TMCC1: variants seen among roughly 807,000 people sequenced by gnomAD.
The protein encoded by TMCC1 is transmembrane and coiled-coil domain family 1.
Under a neutral mutation model 52.4 loss-of-function variants are expected in TMCC1, and 15 were observed. The observed-to-expected ratio is 0.29, with a 90% CI of 0.19 to 0.44. The LOEUF (loss-of-function observed/expected upper bound fraction) is 0.44, where lower values mean the gene tolerates loss of function less well. TMCC1 is among the 20% of genes least tolerant of loss of function. The pLI is 1.00. For synonymous variants in TMCC1, 279 were observed against 301.9 expected (o/e 0.92, Z 0.79); for missense variants, 503 against 806.0 (o/e 0.62, Z 4.55).
At chr3:129,836,192 C>G (rs527638727) in intron 2 of TMCC1, among the ~76,000 whole-genome samples, 38 of 151,942 alleles carry the variant, frequency 2.5e-4, no homozygotes, top group African/African-American at 8.4e-4. Context: ...AATAACATAG[C>G]CTCCAAATAT....
chr3:129,761,401 T>C (rs999033224), intron 4 of TMCC1, among the ~76,000 whole-genome samples: 16 of 151,480 alleles, frequency 1.1e-4, no homozygotes, highest in Non-Finnish European at 2.2e-4. Flanking sequence ...TGCTAAGCCA[T>C]GTCAACCCTG....
intron 2 of TMCC1, among the ~76,000 whole-genome samples, chr3:129,860,604 AT>A (rs1318747657): frequency 0.011 from 1,581 of 145,730 alleles, 19 homozygotes; most frequent in African/African-American, 0.032. Flanking sequence ...ACACATTATT[AT>A]TTTTTTTTTT....
chr3:129,756,545 C>T (rs1381242432), intron 4 of TMCC1, among the ~76,000 whole-genome samples: 1 of 152,106 alleles, frequency 6.6e-6, no homozygotes, highest in Non-Finnish European at 1.5e-5. Context: ...ACTACAGGCG[C>T]CCACCACCAA....
At chr3:129,875,083 C>T (rs1217037803) in intron 2 of TMCC1, among the ~76,000 whole-genome samples, 2 of 151,858 alleles carry the variant, frequency 1.3e-5, no homozygotes, top group African/African-American at 4.8e-5. Context: ...CAGAAGCAGG[C>T]ATGGTGGCAC....
chr3:129,690,931 C>T (rs978050778), intron 4 of TMCC1, among the ~76,000 whole-genome samples: 5 of 152,158 alleles, frequency 3.3e-5, no homozygotes, highest in Non-Finnish European at 7.4e-5. Context: ...GATAAATGTA[C>T]CTCCTCATTG....
rs982362088 is a variant in TMCC1 at position 129,651,945 on chromosome 3, G to C, written c.1648-150C>G. On this transcript the variant is annotated intron_variant, in intron 6 of 6. Transcript: ENST00000393238. This position sits in a 1 kb window ranked among gnomAD's most constrained non-coding sequence, Gnocchi z 5.1. The stretch of plus-strand genomic sequence containing the variant: ...CTTGAATGAATGTAAAAGGCTAGAT[G>C]TATAACTCACTATTCAAGTGATTAT... 1 of 918,398 alleles carries C rather than the reference G, an allele frequency of 1.1e-6. No homozygotes were observed. Among genetic ancestry groups the C allele is most frequent in the African/African-American group, 1.7e-5 (1 of 59,794 alleles). 56.9% of individuals were successfully genotyped at this position (918,398 alleles called of 1,614,324 possible). A position where few individuals can be genotyped will look rare whatever the true frequency, so the allele number is the denominator to read the frequency against.
intron 4 of TMCC1, among the ~76,000 whole-genome samples, chr3:129,747,685 T>C (rs1014727566): frequency 6.7e-6 from 1 of 150,140 alleles, no homozygotes; most frequent in Non-Finnish European, 1.5e-5. Flanking sequence ...GTCAACCTCA[T>C]CCCACTTGGG....
chr3:129,843,143 G>A (rs977853541), intron 2 of TMCC1, among the ~76,000 whole-genome samples: 7 of 152,046 alleles, frequency 4.6e-5, no homozygotes, highest in Non-Finnish European at 8.8e-5. Context: ...TCAGGAGATC[G>A]AGACCATCCC....
At chr3:129,870,555 T>C (rs1192222045) in intron 2 of TMCC1, among the ~76,000 whole-genome samples, 10 of 151,446 alleles carry the variant, frequency 6.6e-5, no homozygotes, top group East Asian at 1.9e-4. Flanking sequence ...CTGGCTAACA[T>C]GGTGAAACCC....
intron 4 of TMCC1, chr3:129,688,481 A>C (rs1018698621): frequency 1.5e-5 from 15 of 985,554 alleles, no homozygotes; most frequent in Non-Finnish European, 1.8e-5. Flanking sequence ...TCACCTTCAC[A>C]GTCTCAGAGA....
In TMCC1 at chr3:129,827,836, T is replaced by A. The variant is rs373744214; in HGVS notation, c.543A>T (p.Ala181=). The change falls in exon 4 of 7, where the codon GCA becomes GCT. Residue 181 remains alanine (A), a synonymous_variant. Coordinates refer to ENST00000393238, the MANE Select transcript of TMCC1 (RefSeq NM_001017395.5). ...IACAAAAAAA[A]CLPGEEGTAE... Reference sequence around the variant, plus strand: ...CAGTTCCCTCCTCTCCTGGTAGACATGCAGCAGCAGCAGCAGCAGCAGCAC... The same window carrying A: ...CAGTTCCCTCCTCTCCTGGTAGACAAGCAGCAGCAGCAGCAGCAGCAGCAC... The A allele has an allele frequency of 1.2e-6, 2 of 1,601,146 alleles. No individual in the cohort carries two copies. Among genetic ancestry groups the A allele is most frequent in the Non-Finnish European group, 1.7e-6 (2 of 1,171,178 alleles).
In TMCC1 at chr3:129,752,623, G is replaced by A. The variant is rs4613451; in HGVS notation, c.576+75180C>T. Among the ~76,000 whole-genome samples the A allele has an allele frequency of 6.7e-3, 1,011 of 151,924 alleles. 11 individuals carry two copies. The highest frequency in any genetic ancestry group is 0.024 in the African/African-American group (978 of 41,418). ...AGAGGTTGCAGTGAGCCAAGATCAC[G>A]CCACTGCACTCTAGCCTTGGTGACA... is the stretch of plus-strand genomic sequence containing the variant. On this transcript the variant is annotated intron_variant, in intron 4 of 6. Coordinates refer to ENST00000393238, the MANE Select transcript of TMCC1 (RefSeq NM_001017395.5).
chr3:129,793,467 C>T (rs1355910745), intron 4 of TMCC1, among the ~76,000 whole-genome samples: 3 of 152,178 alleles, frequency 2.0e-5, no homozygotes, highest in African/African-American at 7.2e-5. Context: ...TTTGTTTAAG[C>T]TTCTGTATTC....
At chr3:129,757,817 G>A (rs2053154330) in intron 4 of TMCC1, among the ~76,000 whole-genome samples, 1 of 151,406 alleles carries the variant, frequency 6.6e-6, no homozygotes, top group African/African-American at 2.4e-5. Flanking sequence ...GTGACAGAGA[G>A]AAATTCCATC....
intron 4 of TMCC1, among the ~76,000 whole-genome samples, chr3:129,699,016 G>A (rs2047618984): frequency 6.6e-6 from 1 of 151,998 alleles, no homozygotes; most frequent in African/African-American, 2.4e-5. Context: ...CAGATATGTA[G>A]CAGGGATATT....
At chr3:129,694,983 G>C (rs2047292559) in intron 4 of TMCC1, among the ~76,000 whole-genome samples, 1 of 149,172 alleles carries the variant, frequency 6.7e-6, no homozygotes, top group Non-Finnish European at 1.5e-5. Context: ...AACATTTGGA[G>C]ATATTTGGGA....
chr3:129,678,359 C>CTTTTTTTTTT (rs71155564), intron 4 of TMCC1, among the ~76,000 whole-genome samples: 3 of 117,202 alleles, frequency 2.6e-5, no homozygotes, highest in African/African-American at 3.4e-5. Context: ...TTGTTTAATT[C>CTTTTTTTTTT]TTTTTTTTTT....
intron 1 of TMCC1, chr3:129,892,666 G>T (rs2062024458): frequency 6.6e-6 from 1 of 152,166 alleles, no homozygotes; most frequent in East Asian, 1.9e-4. Flanking sequence ...CGGGCGTTGC[G>T]GGGGCCGGGG....
chr3:129,869,599 T>C (rs554119817), intron 2 of TMCC1, among the ~76,000 whole-genome samples: 1 of 152,286 alleles, frequency 6.6e-6, no homozygotes, highest in South Asian at 2.1e-4. Flanking sequence ...AATGGAATTG[T>C]TGAACACTCA....
Sources: gnomAD v4.1 joint callset for allele counts (sites outside exome capture counted in the v4.1 genomes callset) on GRCh38, gnomAD v4.1.1 for gene constraint, Gnocchi (gnomAD v3.1) non-coding constraint, MANE v1.5 for transcripts, NCBI Gene and HGNC (gene_info 2026-07-23, HGNC 2026-07-21) for gene names.